LYRM4: variants seen among roughly 807,000 people sequenced by gnomAD.
LYRM4 encodes LYR motif-containing protein 4.
In LYRM4, 9 loss-of-function variants were observed where a neutral mutation model predicts 11.7. That is an observed-to-expected ratio of 0.77 (90% CI 0.46 to 1.34). LYRM4 has a LOEUF of 1.34. Among genes scored for constraint, LYRM4 ranks in the 40% most tolerant of loss-of-function variants. LYRM4 has a pLI of 0.00. For synonymous variants in LYRM4, 42 were observed against 40.4 expected (o/e 1.04, Z -0.15); for missense variants, 133 against 112.5 (o/e 1.18, Z -0.82).
At chr6:5,138,567 T>G (rs1250959261) in intron 2 of LYRM4, 3 of 227,728 alleles carry the variant, frequency 1.3e-5, no homozygotes, top group Non-Finnish European at 2.0e-5. Flanking sequence ...CCAGTAAGAA[T>G]AATGACTGTT....
rs1368733106 is a variant in LYRM4, at chr6:5,260,805, A to G, written c.-72T>C. 2.6e-6 allele frequency: 4 copies of G among 1,531,088 alleles called. No individual in the cohort carries two copies. The highest frequency in any genetic ancestry group is 1.9e-4 in the Middle Eastern group (1 of 5,316). 94.8% of individuals were successfully genotyped at this position (1,531,088 alleles called of 1,614,324 possible). ...AGTACGACCCAACCCACGAAACTCC[A>G]GCCTGTGCGGAAACCACGAACGAAA... On this transcript the variant is annotated 5_prime_UTR_variant, in exon 1 of 3. Coordinates refer to ENST00000330636, the MANE Select transcript of LYRM4 (RefSeq NM_020408.6).
the LYRM4 span, among the ~76,000 whole-genome samples, chr6:5,061,917 T>C: frequency 1.1e-4 from 16 of 152,320 alleles, no homozygotes; most frequent in African/African-American, 3.6e-4. Context: ...GTCTTTTATA[T>C]GTGTGCATTG....
intron 2 of LYRM4, among the ~76,000 whole-genome samples, chr6:5,120,303 T>C (rs1442207992): frequency 6.6e-6 from 1 of 152,194 alleles, no homozygotes; most frequent in East Asian, 1.9e-4. Context: ...GAGTCCTTTT[T>C]GAATGGGCAC....
At chr6:5,176,613 G>A (rs1759737341) in intron 2 of LYRM4, among the ~76,000 whole-genome samples, 4 of 152,214 alleles carry the variant, frequency 2.6e-5, no homozygotes, top group Admixed American at 2.6e-4. Flanking sequence ...ACCCTGATGA[G>A]CAGTGTGGTT....
At chr6:5,260,506 G>C in intron 1 of LYRM4, 142 bp downstream of exon 1, 2 of 1,161,522 alleles carry the variant, frequency 1.7e-6, no homozygotes, top group African/African-American at 1.6e-5. Flanking sequence ...CACGCTTTTC[G>C]ATGGCGGAGC....
intron 2 of LYRM4, among the ~76,000 whole-genome samples, chr6:5,179,352 A>G (rs1759938141): frequency 6.6e-6 from 1 of 152,110 alleles, no homozygotes; most frequent in African/African-American, 2.4e-5. Flanking sequence ...CCAGCTCCAA[A>G]GTTTTTTTAT....
the LYRM4 span, chr6:5,066,632 A>C: frequency 8.4e-7 from 1 of 1,193,334 alleles, no homozygotes; most frequent in Non-Finnish European, 1.2e-6. Context: ...CCACTTTGGC[A>C]CCAATTTCAA....
the LYRM4 span, among the ~76,000 whole-genome samples, chr6:5,074,397 C>CTT: frequency 5.5e-4 from 42 of 76,724 alleles, 1 homozygote; most frequent in African/African-American, 1.6e-3. Flanking sequence ...AGCACAGGTA[C>CTT]TTTTTTTTTT....
chr6:5,200,897 G>A (rs1761351303), intron 2 of LYRM4, among the ~76,000 whole-genome samples: 1 of 152,306 alleles, frequency 6.6e-6, no homozygotes, highest in African/African-American at 2.4e-5. Flanking sequence ...TCCCGTCTTT[G>A]AAGATACCCT....
chr6:5,082,990 A>AG, the LYRM4 span, among the ~76,000 whole-genome samples: 1 of 151,978 alleles, frequency 6.6e-6, no homozygotes, highest in African/African-American at 2.4e-5. Flanking sequence ...CATTGGCCAC[A>AG]GGGGCTGAGT....
chr6:5,093,924 C>T, the LYRM4 span, among the ~76,000 whole-genome samples: 1 of 152,184 alleles, frequency 6.6e-6, no homozygotes, highest in South Asian at 2.1e-4. Context: ...CCTCAGCTTT[C>T]TAGGGATGCT....
the LYRM4 span, among the ~76,000 whole-genome samples, chr6:5,063,805 G>C: frequency 0.32 from 48,684 of 152,020 alleles, 8,149 homozygotes; most frequent in African/African-American, 0.39. Flanking sequence ...AGGCTGCCCC[G>C]GTTCCCCAGA....
intron 2 of LYRM4, among the ~76,000 whole-genome samples, chr6:5,141,481 A>C (rs922337903): frequency 1.3e-5 from 2 of 152,200 alleles, no homozygotes; most frequent in Non-Finnish European, 2.9e-5. Context: ...TAAATACAGG[A>C]TTTCTTCTGC....
intron 2 of LYRM4, among the ~76,000 whole-genome samples, chr6:5,157,454 T>C (rs1437886166): frequency 6.6e-6 from 1 of 151,438 alleles, no homozygotes; most frequent in Non-Finnish European, 1.5e-5. Flanking sequence ...GTGAACATTA[T>C]GAAATGTTCT....
chr6:5,129,971 G>A (rs1308040535), intron 2 of LYRM4, among the ~76,000 whole-genome samples: 1 of 152,190 alleles, frequency 6.6e-6, no homozygotes, highest in Non-Finnish European at 1.5e-5. Context: ...TTCAAAGTTG[G>A]TAAGTACTTG....
At chr6:5,233,114 C>A (rs564412386) in intron 1 of LYRM4, among the ~76,000 whole-genome samples, 5 of 152,332 alleles carry the variant, frequency 3.3e-5, no homozygotes, top group Admixed American at 6.5e-5. Context: ...AACTGGACGA[C>A]GTCCTCACTG....
chr6:5,093,562 C>T, the LYRM4 span, among the ~76,000 whole-genome samples: 1 of 152,264 alleles, frequency 6.6e-6, no homozygotes, highest in African/African-American at 2.4e-5. Flanking sequence ...GAAAATCTTA[C>T]AAAATGAGTC....
chr6:5,080,111 A>G, the LYRM4 span, among the ~76,000 whole-genome samples: 1 of 152,330 alleles, frequency 6.6e-6, no homozygotes, highest in Non-Finnish European at 1.5e-5. Context: ...TATAGTGGGT[A>G]TTCTATGACA....
In LYRM4 at chr6:5,224,023, G is replaced by A. The variant is rs1051846333; in HGVS notation, c.87-7285C>T. On this transcript the variant is annotated intron_variant, in intron 1 of 2. Coordinates refer to ENST00000330636, the MANE Select transcript of LYRM4 (RefSeq NM_020408.6). ...GCTTCCAGCAAGGACCACCAACTCC[G>A]GCCATCCTGGAAGACTTGCAGTCTC... 7.2e-5 allele frequency among the ~76,000 whole-genome samples: 11 copies of A among 152,264 alleles called. No homozygotes were observed. The South Asian group carries it at 8.3e-4, about 11-fold the overall frequency.
Sources: allele counts gnomAD v4.1 joint callset (sites outside exome capture counted in the v4.1 genomes callset), GRCh38; gene constraint gnomAD v4.1.1; transcripts MANE v1.5; gene names NCBI Gene and HGNC (gene_info 2026-07-23, HGNC 2026-07-21).